Variants in FAM237A observed in about 807,000 individuals in gnomAD.
FAM237A encodes the protein protein FAM237A.
FAM237A carries 14 observed loss-of-function variants against 12.5 expected under a neutral mutation model. The observed-to-expected ratio is 1.12, with a 90% CI of 0.74 to 1.75. The LOEUF (loss-of-function observed/expected upper bound fraction) is 1.75, where lower values mean the gene tolerates loss of function less well. Ranked by LOEUF, FAM237A falls within the 40% of genes most tolerant of loss-of-function variation. The pLI, the probability that FAM237A is intolerant of heterozygous loss-of-function variation, is 0.00. For synonymous variants in FAM237A, 85 were observed against 77.5 expected, an observed-to-expected ratio of 1.10 and a Z score of -0.51; for missense variants, 240 against 211.7, an observed-to-expected ratio of 1.13 and a Z score of -0.83.
At chr2:206,646,302 T>C (rs1361157162) in intron 2 of FAM237A, among the ~76,000 whole-genome samples, 1 of 142,674 alleles carries the variant, frequency 7.0e-6, no homozygotes, top group African/African-American at 2.6e-5. Flanking sequence ...GACTCTATCT[T>C]AAAAAAAAAA....
chr2:206,645,023 C>T (rs1053120590), intron 2 of FAM237A, among the ~76,000 whole-genome samples: 6 of 152,106 alleles, frequency 3.9e-5, no homozygotes, highest in Non-Finnish European at 7.4e-5. Flanking sequence ...GTTTACTTGC[C>T]GTGGAATTGA....
intron 2 of FAM237A, 53 bp from the exon 3 acceptor site, chr2:206,648,608 T>A (rs1349184647): frequency 6.6e-7 from 1 of 1,517,902 alleles, no homozygotes; most frequent in African/African-American, 1.4e-5. Flanking sequence ...TGATATTTAA[T>A]TAACCTGAAA....
At position 206,644,865 on chromosome 2, in the gene FAM237A, A is replaced by G. The variant is rs142944651; in HGVS notation, c.412+217A>G. 9.4e-4 allele frequency among the ~76,000 whole-genome samples: 143 copies of G among 152,342 alleles called. 1 individual carries two copies. Among genetic ancestry groups the G allele is most frequent in the African/African-American group, 2.9e-3 (122 of 41,584 alleles). On this transcript the variant is annotated intron_variant, in intron 2 of 2. Transcript: ENST00000441223. ...ATATCAACATATTGTCCTCATCCTC[A>G]TACTTCCTGTGAACAGCAGCAAGGA... is the stretch of plus-strand genomic sequence containing the variant.
chr2:206,643,857 G>C (rs1165305645), intron 1 of FAM237A, among the ~76,000 whole-genome samples: 1 of 152,184 alleles, frequency 6.6e-6, no homozygotes, highest in African/African-American at 2.4e-5. Flanking sequence ...GTTTCGCTAA[G>C]ATATTATGGA....
Position 206,649,326 on chromosome 2 carries a change from C to T in FAM237A, c.*532C>T, listed in dbSNP as rs1047943532. ...ACAAAAAACTGGCAAATAAAGCATT[C>T]TTCTAATGAAAACAAAATTAATAAA... On this transcript the variant is annotated 3_prime_UTR_variant, in exon 3 of 3. Coordinates refer to ENST00000441223, the MANE Select transcript of FAM237A (RefSeq NM_001102659.3). 5.9e-5 allele frequency among the ~76,000 whole-genome samples: 9 copies of T among 152,132 alleles called. No homozygotes were observed. The highest frequency in any genetic ancestry group is 1.9e-4 in the African/African-American group (8 of 41,450).
chr2:206,645,947 T>C (rs1415965516), intron 2 of FAM237A, among the ~76,000 whole-genome samples: 3 of 150,210 alleles, frequency 2.0e-5, no homozygotes, highest in Admixed American at 2.0e-4. Context: ...GTACAGACCA[T>C]GGTTTTTTTT....
Position 206,644,478 on chromosome 2 carries a change from C to T in FAM237A, c.242C>T (p.Ser81Leu). 6.2e-7 allele frequency: 1 copy of T among 1,613,970 alleles called. No individual in the cohort carries two copies. The highest frequency in any genetic ancestry group is 8.5e-7 in the Non-Finnish European group (1 of 1,179,870). The change falls in exon 2 of 3, where the codon TCA becomes TTA. Residue 81 changes from serine (S) to leucine (L), a missense_variant. Coordinates refer to ENST00000441223, the MANE Select transcript of FAM237A (RefSeq NM_001102659.3). Reference sequence around the variant, plus strand: ...TGGGATTTTATGATCTACCTGAAGTCATCTGAGAACTTGAAGCATGGAGCA... The same window carrying T: ...TGGGATTTTATGATCTACCTGAAGTTATCTGAGAACTTGAAGCATGGAGCA... ...GFWDFMIYLK[S>L]SENLKHGALF... is the part of the protein sequence containing the mutation.
At chr2:206,648,003 G>A (rs1052235928) in intron 2 of FAM237A, among the ~76,000 whole-genome samples, 2 of 152,106 alleles carry the variant, frequency 1.3e-5, no homozygotes, top group African/African-American at 4.8e-5. Context: ...TGCTCATAGT[G>A]CTTATATTTT....
intron 2 of FAM237A, among the ~76,000 whole-genome samples, chr2:206,645,368 A>ATGAGGT (rs1699304993): frequency 6.6e-6 from 1 of 152,206 alleles, no homozygotes; most frequent in Non-Finnish European, 1.5e-5. Flanking sequence ...TAGAATTAGA[A>ATGAGGT]TGAGGTTGAG....
At chr2:206,647,219 G>T (rs1031912680) in intron 2 of FAM237A, among the ~76,000 whole-genome samples, 1 of 152,182 alleles carries the variant, frequency 6.6e-6, no homozygotes, top group Non-Finnish European at 1.5e-5. Context: ...AAAAAGAAAT[G>T]TATGGAAAGT....
intron 2 of FAM237A, 91 bp from the exon 3 acceptor site, chr2:206,648,570 T>C: frequency 1.5e-6 from 2 of 1,334,254 alleles, no homozygotes; most frequent in Non-Finnish European, 2.0e-6. Context: ...GGCAGAAACA[T>C]CAAACCTGCC....
In FAM237A at chr2:206,648,745, G is replaced by C; in HGVS notation, c.497G>C (p.Ser166Thr). ...TTGATAAGCATGCATGTGCGTAGGA[G>C]TGGGTCTAGTGTCATTGGAAAAGTG... ...EDLISMHVRR[S>T]GSSVIGKVNL... The change falls in exon 3 of 3, where the codon AGT (serine) becomes ACT (threonine). Residue 166 changes from serine (S) to threonine (T), a missense_variant. By Grantham distance (58) the Ser-to-Thr change is moderately conservative (BLOSUM62 1). Coordinates refer to ENST00000441223, the MANE Select transcript of FAM237A (RefSeq NM_001102659.3). The C allele has an allele frequency of 6.4e-7, 1 of 1,562,152 alleles. No individual in the cohort carries two copies. The highest frequency in any genetic ancestry group is 2.3e-5 in the East Asian group (1 of 42,660).
chr2:206,648,417 T>C (rs778005843), intron 2 of FAM237A, among the ~76,000 whole-genome samples: 41 of 152,324 alleles, frequency 2.7e-4, no homozygotes, highest in Middle Eastern at 3.4e-3. Context: ...TTTTAATGCC[T>C]ATTAATTGAC....
Position 206,649,191 on chromosome 2 carries a change from G to A in FAM237A, c.*397G>A, listed in dbSNP as rs772809150. Among the ~76,000 whole-genome samples, 1 of 152,086 alleles carries A rather than the reference G, an allele frequency of 6.6e-6. No homozygotes were observed. The highest frequency in any genetic ancestry group is 1.5e-5 in the Non-Finnish European group (1 of 68,000). On this transcript the variant is annotated 3_prime_UTR_variant, in exon 3 of 3. Transcript: ENST00000441223. ...CAACCACTGGATTGCTTATGCACAGGCACATAAGGGACTACATTTTGGAAT... is the reference window on the plus strand; with the variant it reads ...CAACCACTGGATTGCTTATGCACAGACACATAAGGGACTACATTTTGGAAT...
chr2:206,645,561 G>T (rs1574580536), intron 2 of FAM237A, among the ~76,000 whole-genome samples: 1 of 152,154 alleles, frequency 6.6e-6, no homozygotes, highest in Middle Eastern at 3.4e-3. Flanking sequence ...TTTTACATTT[G>T]TACATTTTAG....
In FAM237A at chr2:206,644,636, A is replaced by T; in HGVS notation, c.400A>T (p.Arg134Trp). 1 of 1,572,942 alleles carries T rather than the reference A, an allele frequency of 6.4e-7. No homozygotes were observed. Among genetic ancestry groups the T allele is most frequent in the South Asian group, 1.2e-5 (1 of 82,636 alleles). Residue 134 changes from arginine (R) to tryptophan (W), a missense_variant, in exon 2 of 3, where the codon AGG (arginine) becomes TGG (tryptophan). Coordinates refer to ENST00000441223, the MANE Select transcript of FAM237A (RefSeq NM_001102659.3). ...CTCAGCAGCGCAGCCACAGCACACAAGGAGTAAACAAGGTGGTCAACCCCA... is the reference window on the plus strand; with the variant it reads ...CTCAGCAGCGCAGCCACAGCACACATGGAGTAAACAAGGTGGTCAACCCCA... The part of the protein sequence containing the change: ...KISAAQPQHT[R>W]SKQGTYSQLL...
intron 2 of FAM237A, 78 bp downstream of exon 2, chr2:206,644,726 T>C: frequency 7.3e-7 from 1 of 1,360,952 alleles, no homozygotes; most frequent in Non-Finnish European, 9.8e-7. Context: ...AAGAGGGAAA[T>C]GGCATTAGGG....
At position 206,648,812 on chromosome 2, in the gene FAM237A, T is replaced by C. The variant is rs917230467; in HGVS notation, c.*18T>C. On this transcript the variant is annotated 3_prime_UTR_variant, in exon 3 of 3. Transcript: ENST00000441223. ...GAAAATAAATTGAACTCGGAGCTAA[T>C]TCATGCCTTGGAATTAAATATACAT... is the stretch of plus-strand genomic sequence containing the variant. 8 of 1,512,962 alleles carry C rather than the reference T, an allele frequency of 5.3e-6. No individual in the cohort carries two copies. The highest frequency in any genetic ancestry group is 1.4e-5 in the African/African-American group (1 of 71,518). The allele number at this position is 1,512,962 out of a possible 1,614,324, so 93.7% of individuals were successfully genotyped here. A position where few individuals can be genotyped will look rare whatever the true frequency, so the allele number is the denominator to read the frequency against.
At chr2:206,646,896 C>T (rs969295600) in intron 2 of FAM237A, among the ~76,000 whole-genome samples, 3 of 152,122 alleles carry the variant, frequency 2.0e-5, no homozygotes, top group Non-Finnish European at 4.4e-5. Flanking sequence ...GAAGGTGAAG[C>T]AGTGCTTGTC....
Sources: allele counts gnomAD v4.1 joint callset (sites outside exome capture counted in the v4.1 genomes callset), GRCh38; gene constraint gnomAD v4.1.1; transcripts MANE v1.5; gene names NCBI Gene and HGNC (gene_info 2026-07-23, HGNC 2026-07-21).